The following PGBD1 variants were observed in gnomAD, a reference collection of about 807,000 sequenced individuals.
The protein encoded by PGBD1 is piggyBac transposable element-derived protein 1.
A neutral mutation model predicts 34.7 loss-of-function variants in PGBD1; 25 were observed. The observed-to-expected ratio is 0.72, with a 90% CI of 0.52 to 1.00. PGBD1 has a LOEUF of 1.00. PGBD1 is among the 50% of genes least tolerant of loss of function. The pLI is 0.00. For missense variants in PGBD1, 830 were observed against 959.4 expected (o/e 0.87, Z 1.78); for synonymous variants, 292 against 335.7 (o/e 0.87, Z 1.42).
intron 4 of PGBD1, among the ~76,000 whole-genome samples, chr6:28,293,720 A>G (rs77986494): frequency 0.085 from 12,880 of 152,238 alleles, 772 homozygotes; most frequent in East Asian, 0.31. Flanking sequence ...GGTGTGCCAC[A>G]AACCATGCCC....
Position 28,301,855 on chromosome 6 carries a change from A to C in PGBD1, c.2001A>C (p.Lys667Asn). Residue 667 changes from lysine to asparagine, a missense_variant, in exon 7 of 7, where the codon AAA (lysine) becomes AAC (asparagine). Transcript: ENST00000682144. The part of the protein sequence containing the change: ...KCPLMNVEHM[K>N]KMKRGYFDFR... ...CCCTTATGAATGTAGAACATATGAA[A>C]AAAATGAAGAGAGGGTATTTTGATT... 6.2e-7 allele frequency: 1 copy of C among 1,614,214 alleles called. No homozygotes were observed.
chr6:28,286,143 T>C (rs1762279762), intron 3 of PGBD1, among the ~76,000 whole-genome samples: 1 of 152,180 alleles, frequency 6.6e-6, no homozygotes, highest in African/African-American at 2.4e-5. Context: ...GGCAAGGCTG[T>C]TTTTTTCCAG....
chr6:28,294,538 T>G (rs1762569745), intron 4 of PGBD1, among the ~76,000 whole-genome samples: 1 of 152,218 alleles, frequency 6.6e-6, no homozygotes, highest in South Asian at 2.1e-4. Flanking sequence ...TGTTAGGGGC[T>G]TACGCAGTTG....
Position 28,300,265 on chromosome 6 carries a change from G to A in PGBD1, c.870-459G>A, listed in dbSNP as rs925409457. 2.0e-5 allele frequency among the ~76,000 whole-genome samples: 3 copies of A among 152,198 alleles called. No homozygotes were observed. The highest frequency in any genetic ancestry group is 4.8e-5 in the African/African-American group (2 of 41,436). ...AGAACCAATTGACAGGGATGCAGGA[G>A]TAAAATAGATGGTTCTGGAAACCTC... is the stretch of plus-strand genomic sequence containing the variant. On this transcript the variant is annotated intron_variant, in intron 6 of 6. Transcript: ENST00000682144. The surrounding 1 kb of genome is among the most constrained non-coding windows in gnomAD (Gnocchi z 4.0).
Position 28,301,799 on chromosome 6 carries a change from A to G in PGBD1, c.1945A>G (p.Thr649Ala). The G allele has an allele frequency of 6.2e-7, 1 of 1,614,178 alleles. No individual in the cohort carries two copies. The highest frequency in any genetic ancestry group is 2.2e-5 in the East Asian group (1 of 44,872). Residue 649 changes from threonine (T) to alanine (A), a missense_variant, in exon 7 of 7, where the codon ACA becomes GCA. Thr to Ala is a moderately conservative substitution (Grantham distance 58, BLOSUM62 0). Around this residue, in one of 3 missense-constraint regions of PGBD1, gnomAD observed 372 missense variants for 427.9 expected, o/e 0.87. Coordinates refer to ENST00000682144, the MANE Select transcript of PGBD1 (RefSeq NM_032507.4). ...LKKKGVRATG[T>A]IRENRTEKCP... ...AAAGAAGGGGGTGAGGGCAACAGGA[A>G]CAATTCGTGAGAACAGGACCGAAAA...
intron 4 of PGBD1, among the ~76,000 whole-genome samples, chr6:28,290,891 CT>C (rs1762427726): frequency 6.6e-6 from 1 of 151,950 alleles, no homozygotes; most frequent in African/African-American, 2.4e-5. Context: ...GTAAAAATGT[CT>C]TGAAACTAAT....
rs1489558792 is a variant in PGBD1 at position 28,300,800 on chromosome 6, G to A, written c.946G>A (p.Asp316Asn). 1 of 1,614,048 alleles carries A rather than the reference G, an allele frequency of 6.2e-7. No individual in the cohort carries two copies. The highest frequency in any genetic ancestry group is 1.3e-5 in the African/African-American group (1 of 74,984). The change falls in exon 7 of 7, where the codon GAC becomes AAC. Residue 316 changes from aspartate (D) to asparagine (N), a missense_variant. Asp to Asn is a conservative substitution (Grantham distance 23). This residue lies in a region of PGBD1 where 457 missense variants were observed against 515.4 expected (regional missense o/e 0.89). Transcript: ENST00000682144. This position sits in a 1 kb window ranked among gnomAD's most constrained non-coding sequence, Gnocchi z 4.0. ...RTVAHLNTLK[D>N]RHPGDLWARM... ...AGTTGCACATTTGAACACTCTGAAGGACCGTCACCCAGGTGATTTGTGGGC... is the reference window on the plus strand; with the variant it reads ...AGTTGCACATTTGAACACTCTGAAGAACCGTCACCCAGGTGATTTGTGGGC...
chr6:28,288,967 A>G (rs1762368971), intron 4 of PGBD1, among the ~76,000 whole-genome samples: 1 of 152,132 alleles, frequency 6.6e-6, no homozygotes. Flanking sequence ...CAGCCTGGGC[A>G]ACAAGAGCAA....
chr6:28,283,957 G>C lies in PGBD1; in HGVS notation c.144G>C (p.Arg48=). 1.9e-6 allele frequency: 3 copies of C among 1,614,180 alleles called. No individual in the cohort carries two copies. Among genetic ancestry groups the C allele is most frequent in the Non-Finnish European group, 2.5e-6 (3 of 1,180,006 alleles). The stretch of plus-strand genomic sequence containing the variant: ...AGGAGATTTGCCGCCTGCGCTTTCG[G>C]CACTTCTGCTACCAGGAGGCTCACG... ...HTQEICRLRF[R]HFCYQEAHGP... Residue 48 remains arginine, a synonymous_variant, in exon 2 of 7, where the codon CGG becomes CGC. Transcript: ENST00000682144.
intron 4 of PGBD1, among the ~76,000 whole-genome samples, chr6:28,287,938 CAAAA>C (rs1762336436): frequency 1.3e-5 from 2 of 152,122 alleles, no homozygotes; most frequent in African/African-American, 4.8e-5. Flanking sequence ...AATGTAGAAA[CAAAA>C]AAGTTATTTA....
chr6:28,301,611 A>G lies in PGBD1; in HGVS notation c.1757A>G (p.Tyr586Cys). The change falls in exon 7 of 7, where the codon TAT (tyrosine) becomes TGT (cysteine). Residue 586 changes from tyrosine (Y) to cysteine (C), a missense_variant. By Grantham distance (194) the Tyr-to-Cys change is radical. Coordinates refer to ENST00000682144, the MANE Select transcript of PGBD1 (RefSeq NM_032507.4). The stretch of plus-strand genomic sequence containing the variant: ...GGTTATCTGGTTTGGTTTGAACCCT[A>G]TCAAGAAGAATCAACTATGAAGGTA... The part of the protein sequence containing the change: ...TQGYLVWFEP[Y>C]QEESTMKVDE... 1.2e-6 allele frequency: 2 copies of G among 1,614,204 alleles called. No homozygotes were observed. Among genetic ancestry groups the G allele is most frequent in the Non-Finnish European group, 1.7e-6 (2 of 1,180,028 alleles).
intron 4 of PGBD1, among the ~76,000 whole-genome samples, chr6:28,291,875 T>C (rs1180092634): frequency 6.6e-6 from 1 of 152,212 alleles, no homozygotes; most frequent in Non-Finnish European, 1.5e-5. Flanking sequence ...CAATAGATGC[T>C]GAAAAGCATT....
At chr6:28,284,768 G>T (rs1762238180) in intron 2 of PGBD1, among the ~76,000 whole-genome samples, 1 of 152,134 alleles carries the variant, frequency 6.6e-6, no homozygotes, top group South Asian at 2.1e-4. Flanking sequence ...TGATCATGCT[G>T]CCTTGGCCTC....
At position 28,301,763 on chromosome 6, in the gene PGBD1, T is replaced by C. The variant is rs778478200; in HGVS notation, c.1909T>C (p.Ser637Pro). Residue 637 changes from serine to proline, a missense_variant, in exon 7 of 7, where the codon TCA (serine) becomes CCA (proline). Physicochemically the swap from Ser to Pro is moderately conservative, Grantham distance 74. This residue lies in a region of PGBD1 where 372 missense variants were observed against 427.9 expected (regional missense o/e 0.87). Coordinates refer to ENST00000682144, the MANE Select transcript of PGBD1 (RefSeq NM_032507.4). The part of the protein sequence containing the change: ...DSFFTSVKLL[S>P]ALKKKGVRAT... Reference sequence around the variant, plus strand: ...CTTCTTTACAAGTGTCAAATTGTTGTCAGCCTTGAAAAAGAAGGGGGTGAG... The same window carrying C: ...CTTCTTTACAAGTGTCAAATTGTTGCCAGCCTTGAAAAAGAAGGGGGTGAG... 2.5e-6 allele frequency: 4 copies of C among 1,614,154 alleles called. No homozygotes were observed. In the South Asian group the frequency reaches 4.4e-5, roughly 18 times the overall value.
At chr6:28,291,372 CA>C (rs1159505745) in intron 4 of PGBD1, among the ~76,000 whole-genome samples, 6 of 151,420 alleles carry the variant, frequency 4.0e-5, no homozygotes, top group African/African-American at 1.5e-4. Flanking sequence ...AGATGCATGC[CA>C]ACTACCAAGA....
intron 1 of PGBD1, among the ~76,000 whole-genome samples, chr6:28,282,577 G>C (rs953580104): frequency 8.5e-5 from 13 of 152,192 alleles, no homozygotes; most frequent in African/African-American, 3.1e-4. Flanking sequence ...AAGAAGGAAA[G>C]AATGGCTGCA....
Position 28,300,632 on chromosome 6 carries a change from A to C in PGBD1, c.870-92A>C. The C allele has an allele frequency of 5.1e-5, 66 of 1,305,216 alleles. No homozygotes were observed. The highest frequency in any genetic ancestry group is 7.2e-5 in the East Asian group (3 of 41,542). The allele number at this position is 1,305,216 out of a possible 1,614,324, so 80.9% of individuals were successfully genotyped here. A position where few individuals can be genotyped will look rare whatever the true frequency, so the allele number is the denominator to read the frequency against. On this transcript the variant is annotated intron_variant, in intron 6 of 6. Coordinates refer to ENST00000682144, the MANE Select transcript of PGBD1 (RefSeq NM_032507.4). This position sits in a 1 kb window ranked among gnomAD's most constrained non-coding sequence, Gnocchi z 4.0. ...GTAAGTATCCCCCCACACCCACCCC[A>C]AGCCCCAAAAGATTTAAGCTTCAGC...
intron 2 of PGBD1, among the ~76,000 whole-genome samples, chr6:28,284,614 A>G (rs1156537061): frequency 6.6e-6 from 1 of 152,200 alleles, no homozygotes; most frequent in Non-Finnish European, 1.5e-5. Context: ...TGGAAGGCTC[A>G]AGCAATCCTC....
Position 28,296,573 on chromosome 6 carries a change from T to G in PGBD1, c.643-243T>G, listed in dbSNP as rs115337900. On this transcript the variant is annotated intron_variant, in intron 4 of 6. Transcript: ENST00000682144. The stretch of plus-strand genomic sequence containing the variant: ...GTCCTGCAGGATGTGGAAGAATTCT[T>G]TGTAGTGTGGGACTGTCCCACATAT... Among the ~76,000 whole-genome samples, 549 of 152,294 alleles carry G rather than the reference T, an allele frequency of 3.6e-3. 6 individuals are homozygous for G. Among genetic ancestry groups the G allele is most frequent in the African/African-American group, 0.012 (501 of 41,560 alleles).
Sources: gnomAD v4.1 joint callset for allele counts (sites outside exome capture counted in the v4.1 genomes callset) on GRCh38, gnomAD v4.1.1 for gene constraint, gnomAD v4.1.1 regional missense constraint, Gnocchi (gnomAD v3.1) non-coding constraint, MANE v1.5 for transcripts, NCBI Gene and HGNC (gene_info 2026-07-23, HGNC 2026-07-21) for gene names.